Variants in ADAM22 observed in about 807,000 individuals in gnomAD.
The protein encoded by ADAM22 is ADAM metallopeptidase domain 22, also known as disintegrin and metalloproteinase domain-containing protein 22.
A neutral mutation model predicts 144.6 loss-of-function variants in ADAM22; 65 were observed. That is an observed-to-expected ratio of 0.45 (90% CI 0.37 to 0.55). The LOEUF (loss-of-function observed/expected upper bound fraction) is 0.55. Among genes scored for constraint, ADAM22 ranks in the 20% least tolerant of loss-of-function variants. The probability of loss-of-function intolerance (pLI) is 0.00; values close to 1 mark genes in which losing one functional copy is unlikely to be tolerated. For missense variants in ADAM22, 974 were observed against 1,184.9 expected (o/e 0.82, Z 2.61); for synonymous variants, 391 against 412.6 (o/e 0.95, Z 0.63).
intron 22 of ADAM22, among the ~76,000 whole-genome samples, chr7:88,161,358 A>G (rs1165705865): frequency 2.6e-5 from 4 of 152,152 alleles, no homozygotes; most frequent in Non-Finnish European, 5.9e-5. Context: ...ACTCAAAAGT[A>G]TAAAAACCCT....
At chr7:87,983,260 A>C (rs1854154607) in intron 3 of ADAM22, among the ~76,000 whole-genome samples, 1 of 152,114 alleles carries the variant, frequency 6.6e-6, no homozygotes, top group Non-Finnish European at 1.5e-5. Flanking sequence ...ATTTGGAAAA[A>C]ATAGACATTT....
chr7:88,069,175 T>G (rs1309361072), intron 3 of ADAM22, among the ~76,000 whole-genome samples: 1 of 151,756 alleles, frequency 6.6e-6, no homozygotes, highest in Non-Finnish European at 1.5e-5. Flanking sequence ...CCCTACCTCT[T>G]TCCCTCTCTT....
At chr7:87,959,992 G>C (rs917585666) in intron 2 of ADAM22, among the ~76,000 whole-genome samples, 1 of 151,740 alleles carries the variant, frequency 6.6e-6, no homozygotes, top group African/African-American at 2.4e-5. Context: ...GCTGTTTTTG[G>C]TACCATTGTA....
At chr7:88,174,534 A>G (rs1845155994) in intron 26 of ADAM22, among the ~76,000 whole-genome samples, 1 of 152,196 alleles carries the variant, frequency 6.6e-6, no homozygotes, top group Admixed American at 6.6e-5. Context: ...TTATAGCACA[A>G]TTGCTTTAGG....
chr7:88,035,437 A>G (rs1801297878), intron 3 of ADAM22, among the ~76,000 whole-genome samples: 2 of 152,316 alleles, frequency 1.3e-5, no homozygotes, highest in South Asian at 4.1e-4. Flanking sequence ...TTATCAGAGT[A>G]AGCAGATAAG....
At chr7:87,959,584 G>A (rs1251175809) in intron 2 of ADAM22, among the ~76,000 whole-genome samples, 1 of 152,180 alleles carries the variant, frequency 6.6e-6, no homozygotes, top group South Asian at 2.1e-4. Context: ...TACCAGATTA[G>A]AGGACAAGAT....
chr7:88,159,382 G>A (rs944853422), intron 22 of ADAM22, among the ~76,000 whole-genome samples: 2 of 152,072 alleles, frequency 1.3e-5, no homozygotes, highest in Non-Finnish European at 2.9e-5. Flanking sequence ...TTGAGGAGGA[G>A]TGACTCCTCC....
chr7:87,970,947 T>C (rs1850285594), intron 2 of ADAM22, among the ~76,000 whole-genome samples: 1 of 152,216 alleles, frequency 6.6e-6, no homozygotes, highest in South Asian at 2.1e-4. Flanking sequence ...CTTGAATCTT[T>C]TGTTTCACAG....
intron 2 of ADAM22, among the ~76,000 whole-genome samples, chr7:87,935,524 G>T (rs1364510486): frequency 6.6e-6 from 1 of 152,098 alleles, no homozygotes; most frequent in Non-Finnish European, 1.5e-5. Context: ...TTTGGGCAGG[G>T]TTTGAATCAT....
chr7:87,954,190 G>C (rs1412989246), intron 2 of ADAM22, among the ~76,000 whole-genome samples: 8 of 151,368 alleles, frequency 5.3e-5, no homozygotes, highest in Non-Finnish European at 1.0e-4. Context: ...TTATTATGAT[G>C]TTAGCTGGTT....
intron 26 of ADAM22, among the ~76,000 whole-genome samples, chr7:88,178,608 A>AT (rs200691063): frequency 3.5e-4 from 53 of 150,954 alleles, no homozygotes; most frequent in African/African-American, 9.9e-4. Context: ...CCTTCGACAT[A>AT]TTTTTTTTTT....
intron 7 of ADAM22, 34 bp from the exon 8 acceptor site, chr7:88,125,555 G>C: frequency 6.7e-7 from 1 of 1,496,736 alleles, no homozygotes; most frequent in East Asian, 2.3e-5. Context: ...TCTGACAAAT[G>C]CACTAAGTTA....
chr7:88,011,791 G>A (rs747125187), intron 3 of ADAM22, among the ~76,000 whole-genome samples: 4 of 140,870 alleles, frequency 2.8e-5, no homozygotes, highest in East Asian at 2.1e-4. Context: ...CTTTGTCTTC[G>A]GTTTGCTGCA....
At chr7:88,022,929 T>C (rs565362277) in intron 3 of ADAM22, among the ~76,000 whole-genome samples, 5 of 152,326 alleles carry the variant, frequency 3.3e-5, no homozygotes, top group African/African-American at 1.2e-4. Flanking sequence ...TTGAAACTAT[T>C]AGTGGAGCAA....
intron 4 of ADAM22, among the ~76,000 whole-genome samples, chr7:88,096,892 C>T (rs1481939712): frequency 1.3e-5 from 2 of 152,076 alleles, no homozygotes; most frequent in South Asian, 2.1e-4. Flanking sequence ...CTTTTTCATG[C>T]TTAGCATCAC....
At chr7:88,085,889 A>G (rs1032163583) in intron 4 of ADAM22, among the ~76,000 whole-genome samples, 1 of 152,162 alleles carries the variant, frequency 6.6e-6, no homozygotes, top group Non-Finnish European at 1.5e-5. Context: ...TTTAAAAATA[A>G]TTTTTGCCTG....
At chr7:88,024,433 A>T (rs1798519247) in intron 3 of ADAM22, among the ~76,000 whole-genome samples, 1 of 152,178 alleles carries the variant, frequency 6.6e-6, no homozygotes, top group South Asian at 2.1e-4. Context: ...CATTTCTCTC[A>T]TGATTAATGA....
At chr7:87,999,593 C>T (rs1792049494) in intron 3 of ADAM22, among the ~76,000 whole-genome samples, 1 of 152,150 alleles carries the variant, frequency 6.6e-6, no homozygotes, top group Non-Finnish European at 1.5e-5. Context: ...GTTTTTAATA[C>T]ATAATTACAG....
chr7:88,196,378 G>A (rs1850671850), intron 31 of ADAM22, 93 bp from the exon 32 acceptor site: 1 of 1,419,788 alleles, frequency 7.0e-7, no homozygotes, highest in African/African-American at 1.4e-5. Flanking sequence ...ACATATATAT[G>A]GATGGAATCA....
Sources: gnomAD v4.1 joint callset for allele counts (sites outside exome capture counted in the v4.1 genomes callset) on GRCh38, gnomAD v4.1.1 for gene constraint, MANE v1.5 for transcripts, NCBI Gene and HGNC (gene_info 2026-07-23, HGNC 2026-07-21) for gene names.